The following NR5A2 variants were observed in gnomAD, a reference collection of about 807,000 sequenced individuals.
The protein encoded by NR5A2 is CYP7A promoter-binding factor.
In NR5A2, 26 loss-of-function variants were observed where a neutral mutation model predicts 62.7. That is an observed-to-expected ratio of 0.41 (90% CI 0.30 to 0.58). The LOEUF (loss-of-function observed/expected upper bound fraction) is 0.58, where lower values mean the gene tolerates loss of function less well. Among genes scored for constraint, NR5A2 ranks in the 20% least tolerant of loss-of-function variants. The pLI is 0.22. For synonymous variants in NR5A2, 246 were observed against 241.7 expected (o/e 1.02, Z -0.16); for missense variants, 541 against 669.1 (o/e 0.81, Z 2.11).
chr1:200,103,858 G>A (rs1277258146), intron 5 of NR5A2, among the ~76,000 whole-genome samples: 2 of 152,214 alleles, frequency 1.3e-5, no homozygotes, highest in Non-Finnish European at 2.9e-5. Flanking sequence ...GGAACAGTGT[G>A]ACCAAAACAG....
Position 200,045,589 on chromosome 1 carries a change from G to A in NR5A2, c.463+5G>A. 1 of 1,606,842 alleles carries A rather than the reference G, an allele frequency of 6.2e-7. No homozygotes were observed. The highest frequency in any genetic ancestry group is 8.5e-7 in the Non-Finnish European group (1 of 1,177,236). Reference sequence around the variant, plus strand: ...GTGTTGGAATGAAGCTAGAAGGTAAGATTCTTCTAAAGACTACTGCCTATT... The same window carrying A: ...GTGTTGGAATGAAGCTAGAAGGTAAAATTCTTCTAAAGACTACTGCCTATT... On this transcript the variant is annotated splice_donor_5th_base_variant and intron_variant, in intron 4 of 7. Transcript: ENST00000367362.
intron 5 of NR5A2, among the ~76,000 whole-genome samples, chr1:200,095,179 T>C (rs1330228572): frequency 6.6e-6 from 1 of 150,558 alleles, no homozygotes; most frequent in Non-Finnish European, 1.5e-5. Context: ...TGCAGTGGTA[T>C]ACTCATAGCT....
Position 200,079,650 on chromosome 1 carries a change from C to T in NR5A2, c.1110+30832C>T, listed in dbSNP as rs1297676744. On this transcript the variant is annotated intron_variant, in intron 5 of 7. Coordinates refer to ENST00000367362, the MANE Select transcript of NR5A2 (RefSeq NM_205860.3). Reference sequence around the variant, plus strand: ...ATCCTCTGTCCACAATTGGTTATGGCGTGTGAGTTTTCCTTGGGCCTGCTC... The same window carrying T: ...ATCCTCTGTCCACAATTGGTTATGGTGTGTGAGTTTTCCTTGGGCCTGCTC... Among the ~76,000 whole-genome samples, 7 of 152,186 alleles carry T rather than the reference C, an allele frequency of 4.6e-5. No homozygotes were observed. In the South Asian group the frequency reaches 6.2e-4, roughly 13 times the overall value.
At chr1:200,125,174 A>C (rs1558153715) in intron 7 of NR5A2, among the ~76,000 whole-genome samples, 2 of 152,204 alleles carry the variant, frequency 1.3e-5, no homozygotes. Flanking sequence ...AAAAATTAGA[A>C]AGAATATTAC....
At chr1:200,133,143 C>A (rs1306366460) in intron 7 of NR5A2, among the ~76,000 whole-genome samples, 1 of 152,120 alleles carries the variant, frequency 6.6e-6, no homozygotes, top group Non-Finnish European at 1.5e-5. Flanking sequence ...ATTTCTTGGC[C>A]ATCCTTTTCA....
intron 7 of NR5A2, among the ~76,000 whole-genome samples, chr1:200,166,603 A>G (rs538508067): frequency 1.3e-5 from 2 of 152,306 alleles, no homozygotes; most frequent in South Asian, 4.1e-4. Context: ...ACTTGCAGGC[A>G]TTGACACAAT....
At chr1:200,127,925 A>G (rs1666801049) in intron 7 of NR5A2, among the ~76,000 whole-genome samples, 1 of 151,300 alleles carries the variant, frequency 6.6e-6, no homozygotes, top group Non-Finnish European at 1.5e-5. Flanking sequence ...TTATTAAGGC[A>G]AAATGATATA....
At chr1:200,172,084 T>C (rs1372367728) in intron 7 of NR5A2, among the ~76,000 whole-genome samples, 1 of 152,226 alleles carries the variant, frequency 6.6e-6, no homozygotes, top group African/African-American at 2.4e-5. Context: ...CTTTGCTTGC[T>C]GGTGAGAGTA....
rs1201793553 is a variant in NR5A2, at chr1:200,177,190, G to T, written c.*2980G>T. 6.6e-6 allele frequency: 1 copy of T among 152,624 alleles called. No homozygotes were observed. The highest frequency in any genetic ancestry group is 2.4e-5 in the African/African-American group (1 of 41,448). 9.5% of individuals were successfully genotyped at this position (152,624 alleles called of 1,614,324 possible). On this transcript the variant is annotated 3_prime_UTR_variant, in exon 8 of 8. Coordinates refer to ENST00000367362, the MANE Select transcript of NR5A2 (RefSeq NM_205860.3). ...GGTTTATTATAGTTGCTCTATGTTT[G>T]TAAACAGACAATCTCTAATGTCTGA... is the stretch of plus-strand genomic sequence containing the variant.
At chr1:200,117,913 C>T (rs992148907) in intron 6 of NR5A2, among the ~76,000 whole-genome samples, 1 of 151,528 alleles carries the variant, frequency 6.6e-6, no homozygotes, top group Non-Finnish European at 1.5e-5. Context: ...GGGGTTTCAC[C>T]ATGTTGGCCA....
intron 5 of NR5A2, among the ~76,000 whole-genome samples, chr1:200,082,376 T>G (rs1664338240): frequency 6.6e-6 from 1 of 152,232 alleles, no homozygotes; most frequent in Non-Finnish European, 1.5e-5. Context: ...ATTTTGTTGC[T>G]GCTGTTATGA....
chr1:200,160,128 G>A (rs1163296926), intron 7 of NR5A2, among the ~76,000 whole-genome samples: 1 of 152,186 alleles, frequency 6.6e-6, no homozygotes, highest in East Asian at 1.9e-4. Flanking sequence ...CTTCTGCAGG[G>A]AGCAAAGCCT....
chr1:200,153,823 AAAG>A lies in NR5A2; in HGVS notation c.1379-20137_1379-20135del, dbSNP rs1653247925. Among the ~76,000 whole-genome samples the A allele has an allele frequency of 2.0e-5, 3 of 152,146 alleles. No homozygotes were observed. In the South Asian group the frequency reaches 6.2e-4, roughly 32 times the overall value. On this transcript the variant is annotated intron_variant, in intron 7 of 7. Transcript: ENST00000367362. ...AGGGGGAGATAGAGGGATGGAGGGA[AAAG>A]AAAAGGAAAGAGAAGTAGATAGAAA...
At chr1:200,043,088 C>A (rs1662194434) in intron 2 of NR5A2, 1 of 772,742 alleles carries the variant, frequency 1.3e-6, no homozygotes, top group African/African-American at 1.9e-5. Context: ...GTACGGGCGT[C>A]CTCTATTTTC....
chr1:200,098,134 C>A (rs1665186673), intron 5 of NR5A2, among the ~76,000 whole-genome samples: 1 of 152,090 alleles, frequency 6.6e-6, no homozygotes, highest in Non-Finnish European at 1.5e-5. Context: ...CTCCACCCTG[C>A]CGAGCTGTAA....
At chr1:200,091,507 CAG>C (rs1205856232) in intron 5 of NR5A2, among the ~76,000 whole-genome samples, 3 of 128,762 alleles carry the variant, frequency 2.3e-5, no homozygotes, top group East Asian at 2.3e-4. Flanking sequence ...TTTTTTGAGA[CAG>C]AGTCTTGCTC....
intron 6 of NR5A2, among the ~76,000 whole-genome samples, chr1:200,119,063 A>G (rs969967872): frequency 2.0e-5 from 3 of 152,346 alleles, no homozygotes; most frequent in South Asian, 2.1e-4. Flanking sequence ...TTTTTCATGC[A>G]TAGTTGACTC....
At chr1:200,064,148 CAAA>C (rs577974954) in intron 5 of NR5A2, among the ~76,000 whole-genome samples, 7 of 101,040 alleles carry the variant, frequency 6.9e-5, no homozygotes, top group African/African-American at 7.5e-5. Context: ...GACTCCATCT[CAAA>C]AAAAAAAAAA....
chr1:200,058,857 C>G (rs1482932266), intron 5 of NR5A2, among the ~76,000 whole-genome samples: 5 of 149,350 alleles, frequency 3.3e-5, no homozygotes, highest in Non-Finnish European at 7.4e-5. Context: ...TGCCTGTGAT[C>G]CCAGCACTTT....
Sources: gnomAD v4.1 joint callset for allele counts (sites outside exome capture counted in the v4.1 genomes callset) on GRCh38, gnomAD v4.1.1 for gene constraint, MANE v1.5 for transcripts, NCBI Gene and HGNC (gene_info 2026-07-23, HGNC 2026-07-21) for gene names.